The following BAZ2B variants were observed in gnomAD, a reference collection of about 807,000 sequenced individuals.
The protein encoded by BAZ2B is bromodomain adjacent to zinc finger domain 2B.
A neutral mutation model predicts 246.0 loss-of-function variants in BAZ2B; 91 were observed. That is an observed-to-expected ratio of 0.37 (90% CI 0.31 to 0.44). BAZ2B has a LOEUF of 0.44. Among genes scored for constraint, BAZ2B ranks in the 20% least tolerant of loss-of-function variants. The pLI, the probability that BAZ2B is intolerant of heterozygous loss-of-function variation, is 1.00. For synonymous variants in BAZ2B, 855 were observed against 860.0 expected, an observed-to-expected ratio of 0.99 and a Z score of 0.10; for missense variants, 2,332 against 2,533.7, an observed-to-expected ratio of 0.92 and a Z score of 1.71.
At chr2:159,328,794 AG>A (rs1213368002) in intron 34 of BAZ2B, among the ~76,000 whole-genome samples, 4 of 152,188 alleles carry the variant, frequency 2.6e-5, no homozygotes, top group African/African-American at 9.6e-5. Flanking sequence ...CCATATCTGC[AG>A]GTTCTACATC....
At chr2:159,473,841 G>T (rs970895010) in intron 3 of BAZ2B, among the ~76,000 whole-genome samples, 5 of 152,158 alleles carry the variant, frequency 3.3e-5, no homozygotes, top group African/African-American at 1.2e-4. Flanking sequence ...TCAGGACCAG[G>T]TTATTCAGTT....
At chr2:159,494,635 G>A (rs1357648153) in intron 2 of BAZ2B, among the ~76,000 whole-genome samples, 1 of 152,148 alleles carries the variant, frequency 6.6e-6, no homozygotes, top group Non-Finnish European at 1.5e-5. Flanking sequence ...AAGAAATATG[G>A]AGTATTTAAT....
chr2:159,622,840 T>C, the BAZ2B span, among the ~76,000 whole-genome samples: 1 of 151,292 alleles, frequency 6.6e-6, no homozygotes, highest in Non-Finnish European at 1.5e-5. Flanking sequence ...CTACAAAAAA[T>C]ACAAAAAGTA....
At chr2:159,709,167 T>C in the BAZ2B span, among the ~76,000 whole-genome samples, 1 of 148,648 alleles carries the variant, frequency 6.7e-6, no homozygotes, top group African/African-American at 2.5e-5. Context: ...GAAGCAGGGA[T>C]CCTTGGCCAG....
intron 2 of BAZ2B, among the ~76,000 whole-genome samples, chr2:159,491,101 G>A (rs1433501964): frequency 2.6e-5 from 4 of 152,004 alleles, no homozygotes; most frequent in Non-Finnish European, 5.9e-5. Flanking sequence ...ATATGTCTGA[G>A]GGTCATATTA....
intron 27 of BAZ2B, among the ~76,000 whole-genome samples, chr2:159,371,585 G>A (rs1349542275): frequency 6.6e-6 from 1 of 152,040 alleles, no homozygotes; most frequent in Non-Finnish European, 1.5e-5. Context: ...TGCTCCTGAG[G>A]TTATGGCCTC....
chr2:159,411,557 T>C (rs1421144958), intron 14 of BAZ2B, among the ~76,000 whole-genome samples: 2 of 152,234 alleles, frequency 1.3e-5, no homozygotes, highest in Non-Finnish European at 2.9e-5. Flanking sequence ...TATCTTTATA[T>C]ATATGCCTTG....
chr2:159,562,521 A>G (rs2089976690), intron 1 of BAZ2B, among the ~76,000 whole-genome samples: 1 of 152,210 alleles, frequency 6.6e-6, no homozygotes, highest in African/African-American at 2.4e-5. Flanking sequence ...CAGTAGAGGA[A>G]GGAGGTAGTA....
At chr2:159,333,245 T>C (rs535962706) in intron 33 of BAZ2B, among the ~76,000 whole-genome samples, 79 of 152,280 alleles carry the variant, frequency 5.2e-4, no homozygotes, top group Admixed American at 1.7e-3. Context: ...CCAGGAAACG[T>C]TGAAAATCAA....
At chr2:159,668,578 A>T in the BAZ2B span, among the ~76,000 whole-genome samples, 30 of 152,120 alleles carry the variant, frequency 2.0e-4, no homozygotes, top group Non-Finnish European at 4.0e-4. Context: ...AGGTAGGTAC[A>T]TGTTTATTTT....
intron 31 of BAZ2B, 72 bp downstream of exon 31, chr2:159,347,414 T>C (rs2068057604): frequency 6.9e-7 from 1 of 1,452,284 alleles, no homozygotes; most frequent in Non-Finnish European, 9.6e-7. Flanking sequence ...AACTAGCATA[T>C]ATTAGGCAAG....
chr2:159,612,058 A>G (rs1362324083), intron 1 of BAZ2B, among the ~76,000 whole-genome samples: 1 of 152,026 alleles, frequency 6.6e-6, no homozygotes, highest in Non-Finnish European at 1.5e-5. Context: ...ACTATCAATA[A>G]AAGTTATAAC....
At chr2:159,631,207 A>G in the BAZ2B span, among the ~76,000 whole-genome samples, 1 of 152,182 alleles carries the variant, frequency 6.6e-6, no homozygotes, top group Non-Finnish European at 1.5e-5. Flanking sequence ...AAATAAATGA[A>G]TAAATAAATA....
chr2:159,373,123 G>A lies in BAZ2B; in HGVS notation c.4135C>T (p.Gln1379Ter). ...CAGTACCGGCGTCTGTAACGATCTT[G>A]GCCAAACATCACTGAACGCAATGAG... is the stretch of plus-strand genomic sequence containing the variant. The part of the protein sequence containing the change: ...SHSLRSVMFG[Q>*]DRYRRRYWIL... Residue 1379 changes from glutamine (Q) to a stop codon, truncating the protein, a stop_gained, in exon 27 of 37, where the codon CAA (glutamine) becomes TAA (stop). Transcript: ENST00000392783. LOFTEE classifies it high-confidence loss of function. 6.2e-7 allele frequency: 1 copy of A among 1,614,018 alleles called. No homozygotes were observed. Among genetic ancestry groups the A allele is most frequent in the Non-Finnish European group, 8.5e-7 (1 of 1,179,922 alleles).
At chr2:159,565,259 G>T (rs749094333) in intron 1 of BAZ2B, among the ~76,000 whole-genome samples, 4 of 152,218 alleles carry the variant, frequency 2.6e-5, no homozygotes, top group Non-Finnish European at 4.4e-5. Context: ...AGAAGAGAAA[G>T]TGAGATGAGG....
intron 3 of BAZ2B, chr2:159,462,283 T>C (rs2076501558): frequency 1.5e-6 from 1 of 673,678 alleles, no homozygotes; most frequent in Non-Finnish European, 2.6e-6. Flanking sequence ...ACTGGTTAAC[T>C]TTGAAAGCTC....
At chr2:159,677,399 T>C in the BAZ2B span, among the ~76,000 whole-genome samples, 5 of 152,144 alleles carry the variant, frequency 3.3e-5, no homozygotes, top group Non-Finnish European at 7.4e-5. Flanking sequence ...CTTTTTCTAA[T>C]TATATGTAGA....
chr2:159,324,421 G>A (rs910482617), intron 36 of BAZ2B, among the ~76,000 whole-genome samples: 9 of 151,966 alleles, frequency 5.9e-5, no homozygotes, highest in Admixed American at 4.6e-4. Flanking sequence ...TCCATATGAC[G>A]TGTGGTTGAT....
At chr2:159,676,698 G>A in the BAZ2B span, among the ~76,000 whole-genome samples, 1 of 136,988 alleles carries the variant, frequency 7.3e-6, no homozygotes, top group African/African-American at 2.7e-5. Flanking sequence ...TTTTAAAGTT[G>A]AGTAATTCAA....
Sources: allele counts gnomAD v4.1 joint callset (sites outside exome capture counted in the v4.1 genomes callset), GRCh38; gene constraint gnomAD v4.1.1; transcripts MANE v1.5; gene names NCBI Gene and HGNC (gene_info 2026-07-23, HGNC 2026-07-21).